TTC6: variants seen among roughly 807,000 people sequenced by gnomAD.
TTC6 encodes the protein tetratricopeptide repeat domain 6, also known as tetratricopeptide repeat protein 6.
In TTC6, 172 loss-of-function variants were observed where a neutral mutation model predicts 210.4. That is an observed-to-expected ratio of 0.82 (90% CI 0.72 to 0.93). The LOEUF (loss-of-function observed/expected upper bound fraction) is 0.93, where lower values mean the gene tolerates loss of function less well. Ranked by LOEUF, TTC6 falls within the 40% of genes least tolerant of loss-of-function variation. TTC6 has a pLI of 0.00. For synonymous variants in TTC6, 804 were observed against 819.6 expected, an observed-to-expected ratio of 0.98 and a Z score of 0.32; for missense variants, 2,414 against 2,318.1, an observed-to-expected ratio of 1.04 and a Z score of -0.85.
intron 24 of TTC6, among the ~76,000 whole-genome samples, chr14:37,811,646 C>G (rs976366265): frequency 2.6e-5 from 4 of 151,972 alleles, no homozygotes; most frequent in African/African-American, 9.7e-5. Context: ...CTTGTTTAGT[C>G]AGTGAATGTA....
At chr14:37,768,663 C>G (rs943849700) in intron 14 of TTC6, among the ~76,000 whole-genome samples, 1 of 151,152 alleles carries the variant, frequency 6.6e-6, no homozygotes, top group African/African-American at 2.4e-5. Context: ...TATCCTGAGA[C>G]TTTGCTGAAG....
chr14:37,805,625 C>A (rs2096116771), intron 21 of TTC6, among the ~76,000 whole-genome samples: 1 of 152,120 alleles, frequency 6.6e-6, no homozygotes, highest in Non-Finnish European at 1.5e-5. Context: ...TTTGAACAAC[C>A]AGAGCAAACT....
chr14:37,671,123 C>T (rs1372224307), intron 1 of TTC6, among the ~76,000 whole-genome samples: 4 of 152,064 alleles, frequency 2.6e-5, no homozygotes, highest in African/African-American at 9.7e-5. Context: ...GGGCTGCTGT[C>T]GTTTGAAGAC....
intron 21 of TTC6, among the ~76,000 whole-genome samples, chr14:37,806,158 C>A (rs2096118178): frequency 6.6e-6 from 1 of 152,064 alleles, no homozygotes; most frequent in Admixed American, 6.6e-5. Flanking sequence ...CCTAGTCTGC[C>A]TTTAATTATA....
At chr14:37,725,387 G>A (rs1232059278) in intron 7 of TTC6, among the ~76,000 whole-genome samples, 2 of 126,786 alleles carry the variant, frequency 1.6e-5, no homozygotes, top group Non-Finnish European at 3.2e-5. Context: ...TTTTGCTCTT[G>A]TTGCCCAGGC....
rs1482215785 is a variant in TTC6, at chr14:37,770,307, T to A, written c.3266+17072T>A. The stretch of plus-strand genomic sequence containing the variant: ...GATTTGGGGTGGAGAGTTCTGTAGA[T>A]GTCTATTAGGTCTGCTTGGTGCAGA... On this transcript the variant is annotated intron_variant, in intron 14 of 30. Coordinates refer to ENST00000553443, the Ensembl canonical transcript of TTC6. Among the ~76,000 whole-genome samples the A allele has an allele frequency of 7.3e-4, 111 of 152,334 alleles. 1 individual carries two copies. The East Asian group carries it at 0.02, about 28-fold the overall frequency.
At chr14:37,748,867 C>T (rs2139017212) in intron 10 of TTC6, 72 bp from the exon 13 acceptor site, 1 of 1,203,776 alleles carries the variant, frequency 8.3e-7, no homozygotes, top group South Asian at 1.8e-5. Flanking sequence ...TTATGTGTGG[C>T]TGAGTTGATT....
At chr14:37,682,821 G>A in exon 3 of TTC6, 2 of 1,535,678 alleles carry the variant, frequency 1.3e-6, no homozygotes, top group South Asian at 2.4e-5. Context: ...AGAGGATATA[G>A]AATGGGGACC....
intron 7 of TTC6, among the ~76,000 whole-genome samples, chr14:37,734,208 T>A (rs1422189352): frequency 6.6e-6 from 1 of 152,192 alleles, no homozygotes; most frequent in African/African-American, 2.4e-5. Context: ...ACCCTCGTGA[T>A]AGAACCCAGA....
chr14:37,601,821 C>T (rs1169030374), intron 1 of TTC6, among the ~76,000 whole-genome samples: 1 of 152,166 alleles, frequency 6.6e-6, no homozygotes, highest in Non-Finnish European at 1.5e-5. Flanking sequence ...AACGTGTGAC[C>T]CAAAATCAAA....
chr14:37,705,226 T>C (rs1163780298), intron 5 of TTC6, among the ~76,000 whole-genome samples: 1 of 152,118 alleles, frequency 6.6e-6, no homozygotes, highest in Non-Finnish European at 1.5e-5. Flanking sequence ...TAGTCAATTT[T>C]TGGAAAATAT....
intron 3 of TTC6, among the ~76,000 whole-genome samples, chr14:37,686,806 A>G (rs1340448804): frequency 1.3e-5 from 2 of 152,200 alleles, no homozygotes; most frequent in Non-Finnish European, 2.9e-5. Context: ...CTTATCTCCC[A>G]CTGGGTCTCT....
chr14:37,812,789 C>A (rs1952785), intron 25 of TTC6, among the ~76,000 whole-genome samples: 32,002 of 151,974 alleles, frequency 0.21, 3,891 homozygotes, highest in South Asian at 0.32. Flanking sequence ...CCTCTTTTCC[C>A]TTTGCAAATA....
At chr14:37,610,140 G>C (rs974850286) in intron 2 of TTC6, among the ~76,000 whole-genome samples, 4 of 152,184 alleles carry the variant, frequency 2.6e-5, no homozygotes, top group Non-Finnish European at 5.9e-5. Flanking sequence ...GTCCCAGGCT[G>C]GCTTTGTCTG....
intron 3 of TTC6, among the ~76,000 whole-genome samples, chr14:37,691,116 G>A (rs1358808607): frequency 6.6e-6 from 1 of 152,112 alleles, no homozygotes; most frequent in Non-Finnish European, 1.5e-5. Context: ...GATCACTTGA[G>A]GTCAGGATTT....
chr14:37,623,282 C>T (rs1463907192), intron 1 of TTC6, among the ~76,000 whole-genome samples: 1 of 152,156 alleles, frequency 6.6e-6, no homozygotes, highest in African/African-American at 2.4e-5. Flanking sequence ...TCAGTAATAA[C>T]GTCACTAGGA....
At chr14:37,730,724 T>A (rs570374966) in intron 7 of TTC6, among the ~76,000 whole-genome samples, 55 of 152,320 alleles carry the variant, frequency 3.6e-4, no homozygotes, top group African/African-American at 1.3e-3. Context: ...GCATTCCAAT[T>A]TGATGTGGCA....
intron 21 of TTC6, 26 bp downstream of exon 23, chr14:37,804,840 A>G (rs373351825): frequency 1.2e-6 from 2 of 1,607,824 alleles, no homozygotes; most frequent in Non-Finnish European, 8.5e-7. Context: ...AGGAGTATAG[A>G]TTATTTGTGA....
At chr14:37,654,998 T>C (rs1047344277) in intron 1 of TTC6, among the ~76,000 whole-genome samples, 4 of 152,218 alleles carry the variant, frequency 2.6e-5, no homozygotes, top group African/African-American at 7.2e-5. Context: ...ACTAAGTGCA[T>C]GATTTTAGTA....
Sources: allele counts gnomAD v4.1 joint callset (sites outside exome capture counted in the v4.1 genomes callset), GRCh38; gene constraint gnomAD v4.1.1; transcripts MANE v1.5; gene names NCBI Gene and HGNC (gene_info 2026-07-23, HGNC 2026-07-21).